DPAGT1: variants seen among roughly 807,000 people sequenced by gnomAD.
DPAGT1 encodes the protein dolichyl-phosphate N-acetylglucosaminephosphotransferase 1.
In DPAGT1, 25 loss-of-function variants were observed where a neutral mutation model predicts 39.3. The observed-to-expected ratio is 0.64, with a 90% CI of 0.46 to 0.89. The LOEUF is 0.89. Ranked by LOEUF, DPAGT1 falls within the 40% of genes least tolerant of loss-of-function variation. DPAGT1 has a pLI of 0.00. For missense variants in DPAGT1, 381 were observed against 500.6 expected (o/e 0.76, Z 2.28); for synonymous variants, 193 against 201.4 (o/e 0.96, Z 0.36).
Position 119,100,765 on chromosome 11 carries a change from G to A in DPAGT1, c.361C>T (p.Arg121Cys), listed in dbSNP as rs746187785. The change falls in exon 3 of 9, where the codon CGC becomes TGC. Residue 121 changes from arginine to cysteine, a missense_variant. Transcript: ENST00000354202. ...GGTAGCAGCAGCTTATGGCGCCAGC[G>A]CAGATTCAGTACATCATCCGCAAAG... ...LGFADDVLNL[R>C]WRHKLLLPTA... 75 of 1,614,040 alleles carry A rather than the reference G, an allele frequency of 4.6e-5. No individual in the cohort carries two copies. Among genetic ancestry groups the A allele is most frequent in the Middle Eastern group, 1.6e-4 (1 of 6,076 alleles).
downstream of DPAGT1, chr11:119,094,153 AAGCCAAACTGCAGG>A (rs1222074353): frequency 1.3e-5 from 2 of 152,720 alleles, no homozygotes; most frequent in African/African-American, 2.4e-5. Context: ...GCCAGCCGTG[AAGCCAAACTGCAGG>A]CCTCTGCCCT....
Position 119,098,434 on chromosome 11 carries a change from A to G in DPAGT1, c.697T>C (p.Phe233Leu). The G allele has an allele frequency of 1.2e-6, 2 of 1,614,108 alleles. No homozygotes were observed. The highest frequency in any genetic ancestry group is 1.7e-6 in the Non-Finnish European group (2 of 1,179,970). ...FSLYFMIPFF[F>L]TTLGLLYHNW... is the part of the protein sequence containing the mutation. The stretch of plus-strand genomic sequence containing the variant: ...TGGTAGAGCAATCCCAAAGTGGTGA[A>G]AAAAAAGGGTATCATGAAGTAGAGG... The change falls in exon 5 of 9, where the codon TTC becomes CTC. Residue 233 changes from phenylalanine to leucine, a missense_variant. Phe to Leu is a conservative substitution (Grantham distance 22). Coordinates refer to ENST00000354202, the MANE Select transcript of DPAGT1 (RefSeq NM_001382.4).
Position 119,100,846 on chromosome 11 carries a change from G to A in DPAGT1, c.283-3C>T. ...AGGGCACCTATCAGGGCCACAAACT[G>A]GGGGAGGCTCGGGCAGGTCCATGAC... On this transcript the variant is annotated splice_polypyrimidine_tract_variant and splice_region_variant and intron_variant, in intron 2 of 8. Transcript: ENST00000354202. 6.2e-7 allele frequency: 1 copy of A among 1,614,156 alleles called. No individual in the cohort carries two copies. Among genetic ancestry groups the A allele is most frequent in the Non-Finnish European group, 8.5e-7 (1 of 1,180,020 alleles).
Position 119,101,735 on chromosome 11 carries a change from A to G in DPAGT1, c.-80T>C. The G allele has an allele frequency of 6.2e-7, 1 of 1,607,284 alleles. No homozygotes were observed. The highest frequency in any genetic ancestry group is 8.5e-7 in the Non-Finnish European group (1 of 1,177,284). ...GCAGCAGTCCTGAGGCCTCAGCAGT[A>G]TGGAGTGGCCGCTCCCCACAGGCAG... On this transcript the variant is annotated 5_prime_UTR_variant, in exon 1 of 9. Coordinates refer to ENST00000354202, the MANE Select transcript of DPAGT1 (RefSeq NM_001382.4).
At chr11:119,094,674 A>G (rs1184120819), downstream of DPAGT1, 4 of 275,344 alleles carry the variant, frequency 1.5e-5, no homozygotes, top group Non-Finnish European at 2.7e-5. Context: ...GTCCCCGAAG[A>G]GCGCCCAAGC....
Position 119,097,184 on chromosome 11 carries a change from G to T in DPAGT1, c.1119C>A (p.Pro373=). 3.1e-6 allele frequency: 5 copies of T among 1,614,160 alleles called. No individual in the cohort carries two copies. Among genetic ancestry groups the T allele is most frequent in the Non-Finnish European group, 4.2e-6 (5 of 1,180,036 alleles). Residue 373 remains proline (P), a synonymous_variant, in exon 8 of 9, where the codon CCC becomes CCA. Transcript: ENST00000354202. The surrounding 1 kb of genome is among the most constrained non-coding windows in gnomAD (Gnocchi z 4.6). The stretch of plus-strand genomic sequence containing the variant: ...GCAATGTGAGGTTTCTCTCATGTAT[G>T]GGCCCAAGGACTTTAAGTAGCAAGT... ...LINLLLKVLG[P]IHERNLTLLL... is the part of the protein sequence containing the mutation.
At position 119,099,865 on chromosome 11, in the gene DPAGT1, G is replaced by C. The variant is rs77887892; in HGVS notation, c.643+397C>G. 2.3e-3 allele frequency among the ~76,000 whole-genome samples: 346 copies of C among 151,958 alleles called. 1 individual carries two copies. The highest frequency in any genetic ancestry group is 7.9e-3 in the African/African-American group (329 of 41,422). Reference sequence around the variant, plus strand: ...AGCAGCAGTCGCTCATGTTAGCCGAGAGAGGGGATCTTGGCCATTTTGTGG... The same window carrying C: ...AGCAGCAGTCGCTCATGTTAGCCGACAGAGGGGATCTTGGCCATTTTGTGG... On this transcript the variant is annotated intron_variant, in intron 4 of 8. Transcript: ENST00000354202.
chr11:119,097,738 C>T lies in DPAGT1; in HGVS notation c.917+117G>A. The T allele has an allele frequency of 6.8e-7, 1 of 1,477,094 alleles. No homozygotes were observed. Among genetic ancestry groups the T allele is most frequent in the African/African-American group, 1.4e-5 (1 of 72,066 alleles). The allele number at this position is 1,477,094 out of a possible 1,614,324, so 91.5% of individuals were successfully genotyped here. A position where few individuals can be genotyped will look rare whatever the true frequency, so the allele number is the denominator to read the frequency against. On this transcript the variant is annotated intron_variant, in intron 6 of 8. Transcript: ENST00000354202. This position sits in a 1 kb window ranked among gnomAD's most constrained non-coding sequence, Gnocchi z 4.6. ...GCTTTGTAAGTTATAAAGGGCTACT[C>T]ACATGGAAATAGCCCTTCTTTGGGC...
downstream of DPAGT1, chr11:119,095,374 A>G (rs1424274955): frequency 6.4e-7 from 1 of 1,572,194 alleles, no homozygotes; most frequent in Non-Finnish European, 8.6e-7. Flanking sequence ...CCTTGCCGCC[A>G]GTCTTGCCGC....
rs532973292 is a variant in DPAGT1 at position 119,098,528 on chromosome 11, C to G, written c.644-41G>C. 38 of 1,596,646 alleles carry G rather than the reference C, an allele frequency of 2.4e-5. No homozygotes were observed. The South Asian group carries it at 4.1e-4, about 17-fold the overall frequency. ...AGAAAGAAGGAAAAGTTAATACCCACTTCCTCTGCAAACCTTGGTCCTATT... is the reference window on the plus strand; with the variant it reads ...AGAAAGAAGGAAAAGTTAATACCCAGTTCCTCTGCAAACCTTGGTCCTATT... On this transcript the variant is annotated intron_variant, in intron 4 of 8. Coordinates refer to ENST00000354202, the MANE Select transcript of DPAGT1 (RefSeq NM_001382.4).
rs1486396074 is a variant in DPAGT1 at position 119,097,399 on chromosome 11, T to TA, written c.1005+64dup. On this transcript the variant is annotated intron_variant, in intron 7 of 8. Coordinates refer to ENST00000354202, the MANE Select transcript of DPAGT1 (RefSeq NM_001382.4). The surrounding 1 kb of genome is among the most constrained non-coding windows in gnomAD (Gnocchi z 4.6). Reference sequence around the variant, plus strand: ...GTTCCCCTTGGATCTGATGTAGGACTAGGTTCCCCATTCCTCAAGGTCAGG... The same window carrying TA: ...GTTCCCCTTGGATCTGATGTAGGACTAAGGTTCCCCATTCCTCAAGGTCAGG... 6.2e-7 allele frequency: 1 copy of TA among 1,611,478 alleles called. No individual in the cohort carries two copies. Among genetic ancestry groups the TA allele is most frequent in the Non-Finnish European group, 8.5e-7 (1 of 1,177,680 alleles).
rs549465462 is a variant in DPAGT1 at position 119,097,566 on chromosome 11, T to C, written c.918-15A>G. The C allele has an allele frequency of 8.7e-6, 14 of 1,614,038 alleles. No homozygotes were observed. In the East Asian group the frequency reaches 1.3e-4, roughly 15 times the overall value. ...TGATATTGAGTCTGCGGGGGGAAGA[T>C]AGCTTCATGTGACTGGGCCACTATT... On this transcript the variant is annotated splice_polypyrimidine_tract_variant and intron_variant, in intron 6 of 8. Transcript: ENST00000354202. This position sits in a 1 kb window ranked among gnomAD's most constrained non-coding sequence, Gnocchi z 4.6.
intron 3 of DPAGT1, 27 bp downstream of exon 3, chr11:119,100,603 A>T: frequency 6.2e-7 from 1 of 1,613,482 alleles, no homozygotes; most frequent in Non-Finnish European, 8.5e-7. Context: ...TAGGTGCCAT[A>T]GGGGCAGCAG....
chr11:119,100,284 G>A lies in DPAGT1; in HGVS notation c.621C>T (p.Val207=), dbSNP rs778726543. 3 of 1,614,118 alleles carry A rather than the reference G, an allele frequency of 1.9e-6. No individual in the cohort carries two copies. Among genetic ancestry groups the A allele is most frequent in the Non-Finnish European group, 2.5e-6 (3 of 1,180,024 alleles). Residue 207 remains valine, a synonymous_variant, in exon 4 of 9, where the codon GTC becomes GTT. Transcript: ENST00000354202. ...QSLVISASII[V]FNLVELEGDC... is the part of the protein sequence containing the mutation. ...TACCTTCCAACTCTACCAGGTTGAA[G>A]ACAATGATGGAAGCAGAAATGACTA...
At position 119,100,785 on chromosome 11, in the gene DPAGT1, G is replaced by T; in HGVS notation, c.341C>A (p.Ala114Glu). 2 of 1,614,204 alleles carry T rather than the reference G, an allele frequency of 1.2e-6. No homozygotes were observed. The highest frequency in any genetic ancestry group is 1.7e-6 in the Non-Finnish European group (2 of 1,180,046). Residue 114 changes from alanine to glutamate, a missense_variant, in exon 3 of 9, where the codon GCG becomes GAG. Physicochemically the swap from Ala to Glu is moderately radical, Grantham distance 107. Transcript: ENST00000354202. ...AICCMIFLGF[A>E]DDVLNLRWRH... is the part of the protein sequence containing the mutation. ...CCAGCGCAGATTCAGTACATCATCC[G>T]CAAAGCCCAGGAAGATCATGCAGCA...
Position 119,097,840 on chromosome 11 carries a change from C to A in DPAGT1, c.917+15G>T. 1 of 1,613,920 alleles carries A rather than the reference C, an allele frequency of 6.2e-7. No homozygotes were observed. Among genetic ancestry groups the A allele is most frequent in the Non-Finnish European group, 8.5e-7 (1 of 1,179,902 alleles). On this transcript the variant is annotated intron_variant, in intron 6 of 8. Transcript: ENST00000354202. The surrounding 1 kb of genome is among the most constrained non-coding windows in gnomAD (Gnocchi z 4.6). ...AAAAGGCTATGATGTCCATTTCAAGCCAAAAAGCGGCTACCTGGGTATGCG... is the reference window on the plus strand; with the variant it reads ...AAAAGGCTATGATGTCCATTTCAAGACAAAAAGCGGCTACCTGGGTATGCG...
At chr11:119,099,694 C>T (rs1946459120) in intron 4 of DPAGT1, among the ~76,000 whole-genome samples, 1 of 144,278 alleles carries the variant, frequency 6.9e-6, no homozygotes, top group South Asian at 2.2e-4. Flanking sequence ...GAGGCTGGGG[C>T]AGGAGGATCG....
At chr11:119,101,327 T>A in intron 1 of DPAGT1, 168 bp downstream of exon 1, 1 of 1,435,334 alleles carries the variant, frequency 7.0e-7, no homozygotes, top group Non-Finnish European at 9.7e-7. Context: ...TCCCTACCCA[T>A]CCTTTCCCCA....
At chr11:119,100,079 G>A (rs1216755206) in intron 4 of DPAGT1, among the ~76,000 whole-genome samples, 183 bp downstream of exon 4, 2 of 152,178 alleles carry the variant, frequency 1.3e-5, no homozygotes, top group Non-Finnish European at 2.9e-5. Flanking sequence ...ATAAATGACA[G>A]GGCTACTATT....
Sources: allele counts gnomAD v4.1 joint callset (sites outside exome capture counted in the v4.1 genomes callset), GRCh38; gene constraint gnomAD v4.1.1; non-coding constraint Gnocchi (gnomAD v3.1); transcripts MANE v1.5; gene names NCBI Gene and HGNC (gene_info 2026-07-23, HGNC 2026-07-21).